Variants in ASPH observed in about 807,000 individuals in gnomAD.
The protein encoded by ASPH is aspartyl/asparaginyl beta-hydroxylase.
Under a neutral mutation model 118.4 loss-of-function variants are expected in ASPH, and 100 were observed. That is an observed-to-expected ratio of 0.84 (90% CI 0.72 to 1.00). ASPH has a LOEUF of 1.00. ASPH is among the 50% of genes least tolerant of loss of function. The pLI, the probability that ASPH is intolerant of heterozygous loss-of-function variation, is 0.00. For synonymous variants in ASPH, 315 were observed against 325.6 expected (o/e 0.97, Z 0.35); for missense variants, 920 against 919.5 (o/e 1.00, Z -0.01).
At chr8:61,689,780 C>T in intron 1 of ASPH, 1 of 1,508,072 alleles carries the variant, frequency 6.6e-7, no homozygotes, top group Non-Finnish European at 8.9e-7. Context: ...TTTAGGCACA[C>T]TGCATGCACT....
intron 1 of ASPH, among the ~76,000 whole-genome samples, chr8:61,710,580 T>G (rs978059955): frequency 5.9e-5 from 9 of 152,238 alleles, no homozygotes; most frequent in African/African-American, 9.6e-5. Flanking sequence ...CAGAACATTA[T>G]TTAGTGCTTG....
At chr8:61,668,017 AACATGAAAAG>A (rs1434406170) in intron 3 of ASPH, among the ~76,000 whole-genome samples, 2 of 152,218 alleles carry the variant, frequency 1.3e-5, no homozygotes, top group African/African-American at 2.4e-5. Flanking sequence ...AAGCTTTGAT[AACATGAAAAG>A]ATAATGACTT....
intron 24 of ASPH, among the ~76,000 whole-genome samples, chr8:61,512,006 G>A (rs1809043893): frequency 6.6e-6 from 1 of 152,126 alleles, no homozygotes; most frequent in South Asian, 2.1e-4. Context: ...TACTTGTCTG[G>A]AAACAAAACC....
chr8:61,623,116 C>A (rs533689175), intron 13 of ASPH, among the ~76,000 whole-genome samples: 3 of 152,302 alleles, frequency 2.0e-5, no homozygotes, highest in Admixed American at 2.0e-4. Flanking sequence ...GGCAGTAGTT[C>A]TATTTTCAGT....
intron 3 of ASPH, among the ~76,000 whole-genome samples, chr8:61,667,842 T>C (rs1197737057): frequency 6.6e-6 from 1 of 152,180 alleles, no homozygotes; most frequent in Admixed American, 6.5e-5. Flanking sequence ...TAAAAACAAT[T>C]ACTGAAGACT....
intron 21 of ASPH, among the ~76,000 whole-genome samples, chr8:61,538,130 A>T (rs939146707): frequency 6.6e-6 from 1 of 152,218 alleles, no homozygotes; most frequent in Non-Finnish European, 1.5e-5. Context: ...ATTTAGAGAT[A>T]AAAAAACAAA....
At chr8:61,654,141 TTTA>T (rs1812460396) in intron 3 of ASPH, among the ~76,000 whole-genome samples, 1 of 152,178 alleles carries the variant, frequency 6.6e-6, no homozygotes, top group African/African-American at 2.4e-5. Context: ...TACATAACTA[TTTA>T]TTATCATCTA....
In ASPH at chr8:61,540,386, A is replaced by G. The variant is rs532103650; in HGVS notation, c.1764+7685T>C. On this transcript the variant is annotated intron_variant, in intron 21 of 24. Transcript: ENST00000379454. ...AGTTCTTGGAGATCTGGTCGTTTAC[A>G]TGTATGTAACACCTCACCTGCCCCA... 2.9e-4 allele frequency among the ~76,000 whole-genome samples: 44 copies of G among 152,230 alleles called. 1 individual carries two copies. The highest frequency in any genetic ancestry group is 1.8e-3 in the Admixed American group (27 of 15,282).
rs190887217 is a variant in ASPH at position 61,625,786 on chromosome 8, G to C, written c.935-6767C>G. 4 of 985,994 alleles carry C rather than the reference G, an allele frequency of 4.1e-6. No homozygotes were observed. In the Admixed American group the frequency reaches 1.8e-4, roughly 45 times the overall value. The allele number at this position is 985,994 out of a possible 1,614,324, so 61.1% of individuals were successfully genotyped here. A position where few individuals can be genotyped will look rare whatever the true frequency, so the allele number is the denominator to read the frequency against. On this transcript the variant is annotated intron_variant, in intron 13 of 24. Transcript: ENST00000379454. ...ATCTTCACAGCTAATGATGATCTCT[G>C]TTAGCGTTTTTAAGAGTGCTAACAC...
At chr8:61,671,144 G>C (rs1822302628) in intron 3 of ASPH, among the ~76,000 whole-genome samples, 1 of 152,174 alleles carries the variant, frequency 6.6e-6, no homozygotes, top group Non-Finnish European at 1.5e-5. Context: ...GGGCATTAGA[G>C]AAGTGGACTT....
chr8:61,600,752 A>T (rs1843743403), intron 14 of ASPH, among the ~76,000 whole-genome samples: 1 of 151,556 alleles, frequency 6.6e-6, no homozygotes, highest in African/African-American at 2.4e-5. Context: ...TAATCATAGC[A>T]ATAATCACAT....
intron 14 of ASPH, among the ~76,000 whole-genome samples, chr8:61,585,085 C>T (rs1184771921): frequency 2.6e-5 from 4 of 152,170 alleles, no homozygotes; most frequent in Non-Finnish European, 4.4e-5. Context: ...AGGGTGGTAC[C>T]GTGTCTTAAA....
At chr8:61,557,680 A>G (rs72657100) in intron 18 of ASPH, among the ~76,000 whole-genome samples, 11,157 of 152,176 alleles carry the variant, frequency 0.073, 624 homozygotes, top group East Asian at 0.28. Context: ...GCTCATCCCC[A>G]CTGCCTGTTA....
chr8:61,692,582 C>T (rs765607505), intron 1 of ASPH, among the ~76,000 whole-genome samples: 22 of 152,114 alleles, frequency 1.4e-4, no homozygotes, highest in South Asian at 2.1e-4. Context: ...GTTCTACCTC[C>T]CTCCAAAAAC....
At chr8:61,697,949 T>C (rs1040362818) in intron 1 of ASPH, among the ~76,000 whole-genome samples, 16 of 151,720 alleles carry the variant, frequency 1.1e-4, no homozygotes, top group Non-Finnish European at 2.4e-4. Flanking sequence ...CACCGCCATA[T>C]GCAGCTAATT....
At chr8:61,688,058 T>C (rs1457575748) in intron 1 of ASPH, among the ~76,000 whole-genome samples, 6 of 152,226 alleles carry the variant, frequency 3.9e-5, no homozygotes, top group South Asian at 2.1e-4. Context: ...GGCAGATCAG[T>C]TTCTGTCCAA....
intron 12 of ASPH, among the ~76,000 whole-genome samples, chr8:61,636,511 G>T (rs1195719270): frequency 6.6e-6 from 1 of 152,096 alleles, no homozygotes; most frequent in Non-Finnish European, 1.5e-5. Flanking sequence ...TCCCCTCACT[G>T]TCCACTCAGG....
chr8:61,689,726 T>C lies in ASPH; in HGVS notation c.104-5538A>G, dbSNP rs202115146. The stretch of plus-strand genomic sequence containing the variant: ...AATCCATGAATAATAAATGCTAAAG[T>C]AAAACAAAACAAAAAAAAAAACTCA... On this transcript the variant is annotated intron_variant, in intron 1 of 24. Coordinates refer to ENST00000379454, the MANE Select transcript of ASPH (RefSeq NM_004318.4). 3.9e-6 allele frequency: 6 copies of C among 1,550,270 alleles called. No individual in the cohort carries two copies. The East Asian group carries it at 1.2e-4, about 30-fold the overall frequency.
rs1808183196 is a variant in ASPH, at chr8:61,646,737, A to G, written c.619+13T>C. ...TATATTTTATCCTAAAACTTGAAAA[A>G]AAAGTGTTCTACCTTCATGAGATAC... On this transcript the variant is annotated intron_variant, in intron 6 of 24. Coordinates refer to ENST00000379454, the MANE Select transcript of ASPH (RefSeq NM_004318.4). 1 of 1,602,486 alleles carries G rather than the reference A, an allele frequency of 6.2e-7. No individual in the cohort carries two copies. Among genetic ancestry groups the G allele is most frequent in the African/African-American group, 1.3e-5 (1 of 74,320 alleles).
Sources: gnomAD v4.1 joint callset for allele counts (sites outside exome capture counted in the v4.1 genomes callset) on GRCh38, gnomAD v4.1.1 for gene constraint, MANE v1.5 for transcripts, NCBI Gene and HGNC (gene_info 2026-07-23, HGNC 2026-07-21) for gene names.